The following NDUFA9 variants were observed in gnomAD, a reference collection of about 807,000 sequenced individuals.
NDUFA9 encodes NADH:ubiquinone oxidoreductase subunit A9.
NDUFA9 carries 23 observed loss-of-function variants against 45.9 expected under a neutral mutation model. The ratio of observed to expected loss-of-function variants is 0.50; its 90% CI spans 0.36 to 0.71. The LOEUF (loss-of-function observed/expected upper bound fraction) is 0.71, where lower values mean the gene tolerates loss of function less well. NDUFA9 is among the 30% of genes least tolerant of loss of function. NDUFA9 has a pLI of 0.00. For synonymous variants in NDUFA9, 176 were observed against 170.5 expected (o/e 1.03, Z -0.25); for missense variants, 466 against 488.2 (o/e 0.95, Z 0.43).
rs531316763 is a variant in NDUFA9, at chr12:4,668,490, C to G, written c.689C>G (p.Ser230Cys). 6.4e-5 allele frequency: 103 copies of G among 1,613,754 alleles called. No individual in the cohort carries two copies. Among genetic ancestry groups the G allele is most frequent in the Non-Finnish European group, 8.4e-5 (99 of 1,179,730 alleles). The stretch of plus-strand genomic sequence containing the variant: ...CGGTTTGGTCCTATACCCCTTGGTT[C>G]CTTGGGCTGGAAGACAGTTAAACAA... ...MHRFGPIPLG[S>C]LGWKTVKQPV... The change falls in exon 7 of 11, where the codon TCC becomes TGC. Residue 230 changes from serine (S) to cysteine (C), a missense_variant. Transcript: ENST00000266544.
At chr12:4,665,545 G>A (rs1945848042) in intron 6 of NDUFA9, among the ~76,000 whole-genome samples, 1 of 152,156 alleles carries the variant, frequency 6.6e-6, no homozygotes, top group African/African-American at 2.4e-5. Flanking sequence ...CAATGACCAT[G>A]GATGTACGAA....
chr12:4,687,184 C>T lies in NDUFA9; in HGVS notation c.*76C>T, dbSNP rs1280166337. ...GTTTGAGCACCCAGCCAGGCGGTCTCTTTAGAGGATCCTGTACACAGTTCC... is the reference window on the plus strand; with the variant it reads ...GTTTGAGCACCCAGCCAGGCGGTCTTTTTAGAGGATCCTGTACACAGTTCC... On this transcript the variant is annotated 3_prime_UTR_variant, in exon 11 of 11. Coordinates refer to ENST00000266544, the MANE Select transcript of NDUFA9 (RefSeq NM_005002.5). The T allele has an allele frequency of 1.4e-5, 19 of 1,405,988 alleles. No individual in the cohort carries two copies. Among genetic ancestry groups the T allele is most frequent in the Admixed American group, 2.1e-5 (1 of 47,318 alleles). The allele number at this position is 1,405,988 out of a possible 1,614,324, so 87.1% of individuals were successfully genotyped here.
intron 6 of NDUFA9, among the ~76,000 whole-genome samples, chr12:4,663,776 A>G (rs192861618): frequency 7.2e-5 from 11 of 152,344 alleles, no homozygotes; most frequent in Non-Finnish European, 1.0e-4. Context: ...CTGCTGTAGC[A>G]AATACCTAAA....
At chr12:4,663,802 T>C (rs911283756) in intron 6 of NDUFA9, among the ~76,000 whole-genome samples, 4 of 152,146 alleles carry the variant, frequency 2.6e-5, no homozygotes, top group African/African-American at 9.7e-5. Context: ...GAACGTGCCT[T>C]TGGAACTATG....
intron 8 of NDUFA9, among the ~76,000 whole-genome samples, chr12:4,675,750 A>G (rs962297278): frequency 2.6e-5 from 4 of 152,230 alleles, no homozygotes; most frequent in Admixed American, 6.5e-5. Flanking sequence ...AGCTGGTACC[A>G]TTCCTTCTGA....
chr12:4,662,395 T>G (rs1404785299), intron 5 of NDUFA9, 138 bp from the exon 6 acceptor site: 2 of 659,444 alleles, frequency 3.0e-6, no homozygotes, highest in African/African-American at 3.7e-5. Context: ...GTAACTGAGT[T>G]TTATGAATTA....
intron 4 of NDUFA9, 65 bp downstream of exon 4, chr12:4,657,904 G>T: frequency 7.8e-7 from 1 of 1,275,678 alleles, no homozygotes. Flanking sequence ...GACCTTCGCT[G>T]GGCACCTTTT....
At chr12:4,650,260 T>A (rs1376879381) in intron 1 of NDUFA9, among the ~76,000 whole-genome samples, 2 of 152,030 alleles carry the variant, frequency 1.3e-5, no homozygotes, top group Non-Finnish European at 2.9e-5. Flanking sequence ...TTGTTTTCCA[T>A]CTTGGGTAGA....
chr12:4,663,831 G>C (rs2137469848), intron 6 of NDUFA9, among the ~76,000 whole-genome samples: 1 of 152,296 alleles, frequency 6.6e-6, no homozygotes, highest in African/African-American at 2.4e-5. Flanking sequence ...GAGGCTAGAA[G>C]AGTTTTGAGG....
intron 8 of NDUFA9, among the ~76,000 whole-genome samples, 179 bp downstream of exon 8, chr12:4,669,996 A>G (rs1257163280): frequency 6.6e-6 from 1 of 152,222 alleles, no homozygotes; most frequent in Admixed American, 6.5e-5. Flanking sequence ...TTCTTCTGTT[A>G]CCAAGGTCTG....
intron 10 of NDUFA9, 146 bp downstream of exon 10, chr12:4,685,471 A>T (rs1452874273): frequency 1.4e-6 from 1 of 692,078 alleles, no homozygotes; most frequent in Non-Finnish European, 2.5e-6. Flanking sequence ...GCTGAAGCTC[A>T]TCCACCTGCC....
chr12:4,659,666 A>G (rs1490856482), intron 5 of NDUFA9, among the ~76,000 whole-genome samples: 4 of 152,168 alleles, frequency 2.6e-5, no homozygotes, highest in African/African-American at 9.7e-5. Context: ...ACTCCCAGAA[A>G]TGCCATACCT....
At position 4,654,444 on chromosome 12, in the gene NDUFA9, T is replaced by C; in HGVS notation, c.202T>C (p.Tyr68His). 1.9e-6 allele frequency: 3 copies of C among 1,614,142 alleles called. No individual in the cohort carries two copies. The South Asian group carries it at 3.3e-5, about 18-fold the overall frequency. The change falls in exon 2 of 11, where the codon TAT becomes CAT. Residue 68 changes from tyrosine (Y) to histidine (H), a missense_variant. Transcript: ENST00000266544. ...TGGAGCAACAGGATTCCTGGGGCGA[T>C]ATGTTGTCAACCACCTTGGTAAGTA... is the stretch of plus-strand genomic sequence containing the variant. ...VFGATGFLGR[Y>H]VVNHLGRMGS...
In NDUFA9 at chr12:4,659,019, T is replaced by C; in HGVS notation, c.411-17T>C. On this transcript the variant is annotated splice_polypyrimidine_tract_variant and intron_variant, in intron 4 of 10. Coordinates refer to ENST00000266544, the MANE Select transcript of NDUFA9 (RefSeq NM_005002.5). Reference sequence around the variant, plus strand: ...GTGTGGAGTTCTTAACCAATCCTTTTATTTTTTATCTTCCAGAAACTTTGA... The same window carrying C: ...GTGTGGAGTTCTTAACCAATCCTTTCATTTTTTATCTTCCAGAAACTTTGA... The C allele has an allele frequency of 1.2e-6, 2 of 1,608,228 alleles. No homozygotes were observed. Among genetic ancestry groups the C allele is most frequent in the Non-Finnish European group, 1.7e-6 (2 of 1,176,514 alleles).
chr12:4,649,645 G>A (rs1401714738), intron 1 of NDUFA9, among the ~76,000 whole-genome samples: 1 of 152,124 alleles, frequency 6.6e-6, no homozygotes, highest in Non-Finnish European at 1.5e-5. Context: ...CAATACCAGG[G>A]AGTCTCTGAT....
At position 4,691,813 on chromosome 12, in the gene NDUFA9, TG is replaced by T. The variant is rs11351896; in HGVS notation, c.*4716del. On this transcript the variant is annotated 3_prime_UTR_variant, in exon 11 of 11. Coordinates refer to ENST00000266544, the MANE Select transcript of NDUFA9 (RefSeq NM_005002.5). ...CATGTGGATCCTGTGAGGGCCAGGA[TG>T]GGGGGGGGGGTCATGGGTCATCTGT... The T allele has an allele frequency of 0.71, 97,889 of 137,328 alleles. 34,344 individuals are homozygous for T. Among genetic ancestry groups the T allele is most frequent in the Non-Finnish European group, 0.79 (50,380 of 64,120 alleles). The allele number at this position is 137,328 out of a possible 1,614,324, so 8.5% of individuals were successfully genotyped here. A position where few individuals can be genotyped will look rare whatever the true frequency, so the allele number is the denominator to read the frequency against.
Position 4,687,204 on chromosome 12 carries a change from A to G in NDUFA9, c.*96A>G, listed in dbSNP as rs1945993244. The G allele has an allele frequency of 2.6e-6, 3 of 1,133,618 alleles. No individual in the cohort carries two copies. The highest frequency in any genetic ancestry group is 2.5e-6 in the Non-Finnish European group (2 of 815,066). The allele number at this position is 1,133,618 out of a possible 1,614,324, so 70.2% of individuals were successfully genotyped here. On this transcript the variant is annotated 3_prime_UTR_variant, in exon 11 of 11. Coordinates refer to ENST00000266544, the MANE Select transcript of NDUFA9 (RefSeq NM_005002.5). ...GGTCTCTTTAGAGGATCCTGTACAC[A>G]GTTCCACTATTAAAACATTTCAGGT...
chr12:4,683,189 A>AG (rs2137486970), intron 9 of NDUFA9, among the ~76,000 whole-genome samples: 1 of 151,798 alleles, frequency 6.6e-6, no homozygotes, highest in South Asian at 2.1e-4. Context: ...ACAAAAAAAA[A>AG]AAAAAGAAAG....
intron 1 of NDUFA9, among the ~76,000 whole-genome samples, 178 bp from the exon 2 acceptor site, chr12:4,654,114 T>G (rs150013435): frequency 6.6e-5 from 10 of 152,356 alleles, no homozygotes; most frequent in Non-Finnish European, 1.3e-4. Flanking sequence ...TATTTCCTCA[T>G]GTCCTCTGGA....
Sources: gnomAD v4.1 joint callset for allele counts (sites outside exome capture counted in the v4.1 genomes callset) on GRCh38, gnomAD v4.1.1 for gene constraint, MANE v1.5 for transcripts, NCBI Gene and HGNC (gene_info 2026-07-23, HGNC 2026-07-21) for gene names.